Variants in NDUFAF6 observed in about 807,000 individuals in gnomAD.
NDUFAF6 encodes NADH dehydrogenase (ubiquinone) complex I, assembly factor 6.
A neutral mutation model predicts 40.8 loss-of-function variants in NDUFAF6; 45 were observed. The observed-to-expected ratio is 1.10, with a 90% CI of 0.87 to 1.42. The LOEUF (loss-of-function observed/expected upper bound fraction) is 1.42. Among genes scored for constraint, NDUFAF6 ranks in the 40% most tolerant of loss-of-function variants. NDUFAF6 has a pLI of 0.00. For missense variants in NDUFAF6, 435 were observed against 418.5 expected, an observed-to-expected ratio of 1.04 and a Z score of -0.34; for synonymous variants, 185 against 155.9, an observed-to-expected ratio of 1.19 and a Z score of -1.39.
chr8:95,049,406 C>T (rs1047276939), intron 7 of NDUFAF6, among the ~76,000 whole-genome samples: 2 of 152,148 alleles, frequency 1.3e-5, no homozygotes, highest in Admixed American at 6.5e-5. Flanking sequence ...GTTGACTATA[C>T]ACCTCTTTCT....
At chr8:94,934,334 C>G (rs1820755495) in intron 1 of NDUFAF6, among the ~76,000 whole-genome samples, 1 of 151,882 alleles carries the variant, frequency 6.6e-6, no homozygotes, top group Admixed American at 6.6e-5. Context: ...CACAACACTG[C>G]AAAGTAAACA....
intron 1 of NDUFAF6, among the ~76,000 whole-genome samples, chr8:94,938,272 T>C (rs760124740): frequency 7.9e-5 from 12 of 152,238 alleles, no homozygotes; most frequent in Non-Finnish European, 1.5e-4. Flanking sequence ...AATGAATTAC[T>C]GACTGAATGG....
intron 2 of NDUFAF6, among the ~76,000 whole-genome samples, chr8:94,997,925 A>G (rs1480480644): frequency 1.3e-5 from 2 of 152,140 alleles, no homozygotes; most frequent in African/African-American, 4.8e-5. Flanking sequence ...CTCCCTGAAG[A>G]TCTGTGGTTT....
At chr8:94,979,190 G>A (rs1022734930) in intron 1 of NDUFAF6, among the ~76,000 whole-genome samples, 2 of 152,122 alleles carry the variant, frequency 1.3e-5, no homozygotes, top group African/African-American at 4.8e-5. Context: ...TTTCTCAGAT[G>A]CAAATCCCCG....
downstream of NDUFAF6, among the ~76,000 whole-genome samples, chr8:95,079,899 A>G (rs1346301392): frequency 1.4e-5 from 2 of 147,648 alleles, no homozygotes; most frequent in African/African-American, 2.5e-5. Flanking sequence ...GATTTTTTGT[A>G]GTGTATTTTT....
chr8:94,964,544 T>A (rs547480953), intron 1 of NDUFAF6, among the ~76,000 whole-genome samples: 1 of 152,102 alleles, frequency 6.6e-6, no homozygotes, highest in Non-Finnish European at 1.5e-5. Flanking sequence ...CAACATCTGC[T>A]TCTGGTGAGG....
chr8:95,040,372 G>T (rs560507554), intron 3 of NDUFAF6, among the ~76,000 whole-genome samples: 1 of 152,230 alleles, frequency 6.6e-6, no homozygotes, highest in East Asian at 1.9e-4. Flanking sequence ...ATTTTGCCTG[G>T]TTTTCCCACT....
intron 2 of NDUFAF6, among the ~76,000 whole-genome samples, chr8:95,008,530 A>T (rs1827097409): frequency 6.6e-6 from 1 of 152,124 alleles, no homozygotes; most frequent in African/African-American, 2.4e-5. Flanking sequence ...TTTGAGATGG[A>T]GTTTTCACTC....
chr8:94,905,597 C>T (rs1284517426), intron 1 of NDUFAF6, among the ~76,000 whole-genome samples: 1 of 152,172 alleles, frequency 6.6e-6, no homozygotes, highest in African/African-American at 2.4e-5. Flanking sequence ...GGCATCCTGC[C>T]CCTTCCTACC....
intron 1 of NDUFAF6, among the ~76,000 whole-genome samples, chr8:94,932,734 C>T (rs935254080): frequency 1.6e-4 from 25 of 151,974 alleles, no homozygotes; most frequent in Admixed American, 7.2e-4. Context: ...ACCCAGGAGG[C>T]GGAGCTTGCA....
chr8:94,939,728 C>G, intron 1 of NDUFAF6: 1 of 1,282,442 alleles, frequency 7.8e-7, no homozygotes, highest in Non-Finnish European at 1.1e-6. Context: ...ATCTTGTGTA[C>G]TATGCACATG....
intron 2 of NDUFAF6, among the ~76,000 whole-genome samples, chr8:95,084,741 T>A (rs1416258315): frequency 6.6e-6 from 1 of 152,216 alleles, no homozygotes; most frequent in African/African-American, 2.4e-5. Context: ...ATTTCTTATG[T>A]GTCCTACCTA....
At chr8:95,009,845 G>A (rs1394840134) in intron 2 of NDUFAF6, among the ~76,000 whole-genome samples, 1 of 152,198 alleles carries the variant, frequency 6.6e-6, no homozygotes, top group African/African-American at 2.4e-5. Flanking sequence ...TCGTTTGAAT[G>A]TCAGTTTCCT....
At chr8:94,920,601 T>C (rs535972779) in intron 1 of NDUFAF6, among the ~76,000 whole-genome samples, 2 of 152,346 alleles carry the variant, frequency 1.3e-5, no homozygotes, top group South Asian at 4.1e-4. Flanking sequence ...AGGGGAGGGC[T>C]GGGGTTTGAG....
At chr8:94,929,436 A>G (rs1176495940) in intron 1 of NDUFAF6, 2 of 152,088 alleles carry the variant, frequency 1.3e-5, no homozygotes, top group Non-Finnish European at 2.9e-5. Flanking sequence ...AAAAAAGAAA[A>G]AAGTTGAGCC....
upstream of NDUFAF6, among the ~76,000 whole-genome samples, chr8:94,955,301 C>T (rs560934501): frequency 5.3e-5 from 8 of 152,262 alleles, no homozygotes; most frequent in South Asian, 2.1e-4. Context: ...AATCCAAGGT[C>T]GACAGACCCA....
chr8:94,991,966 G>T (rs1478481233), intron 2 of NDUFAF6, among the ~76,000 whole-genome samples: 1 of 152,158 alleles, frequency 6.6e-6, no homozygotes, highest in Non-Finnish European at 1.5e-5. Context: ...TTGCATGTAT[G>T]TGAGTATATC....
At chr8:95,055,087 G>A (rs1490569394) in intron 8 of NDUFAF6, 1 of 152,060 alleles carries the variant, frequency 6.6e-6, no homozygotes, top group Non-Finnish European at 1.5e-5. Flanking sequence ...ACCCACTTGA[G>A]CTCTAATTTT....
chr8:94,962,623 T>G (rs796219292), intron 1 of NDUFAF6, among the ~76,000 whole-genome samples: 4 of 151,402 alleles, frequency 2.6e-5, no homozygotes, highest in South Asian at 2.1e-4. Flanking sequence ...TTTGTTTTTT[T>G]TTTTTTTGAG....
Sources: allele counts gnomAD v4.1 joint callset (sites outside exome capture counted in the v4.1 genomes callset), GRCh38; gene constraint gnomAD v4.1.1; transcripts MANE v1.5; gene names NCBI Gene and HGNC (gene_info 2026-07-23, HGNC 2026-07-21).